UPF1: variants seen among roughly 807,000 people sequenced by gnomAD.
UPF1 encodes UPF1 RNA helicase and ATPase, also known as regulator of nonsense transcripts 1.
In UPF1, 9 loss-of-function variants were observed where a neutral mutation model predicts 129.2. That is an observed-to-expected ratio of 0.07 (90% CI 0.04 to 0.12). UPF1 has a LOEUF of 0.12. Among genes scored for constraint, UPF1 ranks in the 10% least tolerant of loss-of-function variants. The probability of loss-of-function intolerance (pLI) is 1.00; values close to 1 mark genes in which losing one functional copy is unlikely to be tolerated. For synonymous variants in UPF1, 649 were observed against 644.9 expected, an observed-to-expected ratio of 1.01 and a Z score of -0.10; for missense variants, 788 against 1,525.3, an observed-to-expected ratio of 0.52 and a Z score of 8.05.
chr19:18,834,565 G>A (rs1449124377), intron 1 of UPF1, among the ~76,000 whole-genome samples: 1 of 152,102 alleles, frequency 6.6e-6, no homozygotes, highest in African/African-American at 2.4e-5. Context: ...GACATCAGAG[G>A]GTTTGTCCTG....
chr19:18,845,108 G>C (rs1412531260), intron 1 of UPF1, among the ~76,000 whole-genome samples: 1 of 152,238 alleles, frequency 6.6e-6, no homozygotes, highest in Non-Finnish European at 1.5e-5. Flanking sequence ...GGCTGTCTGG[G>C]GTGCTGGGAC....
intron 18 of UPF1, among the ~76,000 whole-genome samples, chr19:18,862,706 C>T (rs1176218748): frequency 1.3e-5 from 2 of 152,166 alleles, no homozygotes; most frequent in African/African-American, 4.8e-5. Flanking sequence ...GTGGCACATG[C>T]CTGTAATCTG....
chr19:18,832,345 A>T lies in UPF1; in HGVS notation c.136A>T (p.Thr46Ser), dbSNP rs139448059. The T allele has an allele frequency of 2.1e-6, 3 of 1,401,388 alleles. No individual in the cohort carries two copies. Among genetic ancestry groups the T allele is most frequent in the African/African-American group, 3.0e-5 (2 of 66,286 alleles). 86.8% of individuals were successfully genotyped at this position (1,401,388 alleles called of 1,614,324 possible). A position where few individuals can be genotyped will look rare whatever the true frequency, so the allele number is the denominator to read the frequency against. ...TDFTLPSQTQ[T>S]PPGGPGGPGG... is the part of the protein sequence containing the mutation. ...CTTTACTCTTCCTAGCCAGACGCAGACGCCCCCCGGCGGCCCCGGCGGCCC... is the reference window on the plus strand; with the variant it reads ...CTTTACTCTTCCTAGCCAGACGCAGTCGCCCCCCGGCGGCCCCGGCGGCCC... Residue 46 changes from threonine to serine, a missense_variant, in exon 1 of 24, where the codon ACG becomes TCG. Physicochemically the swap from Thr to Ser is moderately conservative, Grantham distance 58. Coordinates refer to ENST00000262803, the MANE Select transcript of UPF1 (RefSeq NM_002911.4). The surrounding 1 kb of genome is among the most constrained non-coding windows in gnomAD (Gnocchi z 5.6).
At chr19:18,856,161 C>T (rs2055715604) in intron 12 of UPF1, 25 bp from the exon 13 acceptor site, 1 of 1,603,666 alleles carries the variant, frequency 6.2e-7, no homozygotes, top group East Asian at 2.2e-5. Flanking sequence ...ACTCAGGCAC[C>T]CTGCTGACCT....
At position 18,851,892 on chromosome 19, in the gene UPF1, C is replaced by T. The variant is rs892158423; in HGVS notation, c.811-243C>T. Among the ~76,000 whole-genome samples, 2 of 152,356 alleles carry T rather than the reference C, an allele frequency of 1.3e-5. No homozygotes were observed. Among genetic ancestry groups the T allele is most frequent in the East Asian group, 1.9e-4 (1 of 5,182 alleles). ...CAAGTACCGGAACCCCGCTGGGGTGCGGAGCAGCAGCTGAGGCCCAGGCAT... is the reference window on the plus strand; with the variant it reads ...CAAGTACCGGAACCCCGCTGGGGTGTGGAGCAGCAGCTGAGGCCCAGGCAT... On this transcript the variant is annotated intron_variant, in intron 5 of 23. Transcript: ENST00000262803. This position sits in a 1 kb window ranked among gnomAD's most constrained non-coding sequence, Gnocchi z 4.2.
chr19:18,834,598 T>G (rs780426069), intron 1 of UPF1, among the ~76,000 whole-genome samples: 13 of 152,194 alleles, frequency 8.5e-5, no homozygotes, highest in Non-Finnish European at 2.9e-5. Flanking sequence ...TTGACCCAGA[T>G]GCCCCACCCA....
Position 18,865,403 on chromosome 19 carries a change from C to T in UPF1, c.2972C>T (p.Pro991Leu). The T allele has an allele frequency of 6.2e-7, 1 of 1,614,054 alleles. No individual in the cohort carries two copies. The highest frequency in any genetic ancestry group is 1.1e-5 in the South Asian group (1 of 91,082). The change falls in exon 21 of 24, where the codon CCC (proline) becomes CTC (leucine). Residue 991 changes from proline (P) to leucine (L), a missense_variant. Pro to Leu is a moderately conservative substitution (Grantham distance 98). Coordinates refer to ENST00000262803, the MANE Select transcript of UPF1 (RefSeq NM_002911.4). The surrounding 1 kb of genome is among the most constrained non-coding windows in gnomAD (Gnocchi z 6.1). ...ATCCCCTTCAACCTGGTCATGCCAC[C>T]CATGCCACCGCCTGGCTATTTTGGA... Reference protein sequence around the residue: ...IPIPFNLVMPPMPPPGYFGQA... With the variant: ...IPIPFNLVMPLMPPPGYFGQA...
At chr19:18,854,514 A>G in intron 8 of UPF1, 87 bp from the exon 9 acceptor site, 2 of 1,073,148 alleles carry the variant, frequency 1.9e-6, no homozygotes, top group Non-Finnish European at 2.7e-6. Context: ...AAATTTTAAA[A>G]ACGCTGTTTA....
At chr19:18,849,629 TTGCTCCTGGAA>T (rs2055636899) in intron 3 of UPF1, among the ~76,000 whole-genome samples, 1 of 152,054 alleles carries the variant, frequency 6.6e-6, no homozygotes, top group Non-Finnish European at 1.5e-5. Flanking sequence ...GGAGGGACTG[TTGCTCCTGGAA>T]GTAGGCACAG....
chr19:18,839,724 G>T (rs2055521488), intron 1 of UPF1, among the ~76,000 whole-genome samples: 1 of 152,208 alleles, frequency 6.6e-6, no homozygotes, highest in African/African-American at 2.4e-5. Flanking sequence ...GCCATCCCCT[G>T]CTGTTTTCTT....
intron 1 of UPF1, among the ~76,000 whole-genome samples, chr19:18,845,207 GAC>G (rs548259605): frequency 1.2e-4 from 19 of 152,246 alleles, no homozygotes; most frequent in Non-Finnish European, 2.1e-4. Flanking sequence ...GTTCTGCCAT[GAC>G]ACAGTGCTCC....
chr19:18,867,896 G>A lies in UPF1; in HGVS notation c.*1379G>A, dbSNP rs2055874786. The A allele has an allele frequency of 6.6e-6, 1 of 152,546 alleles. No homozygotes were observed. 9.4% of individuals were successfully genotyped at this position (152,546 alleles called of 1,614,324 possible). A position where few individuals can be genotyped will look rare whatever the true frequency, so the allele number is the denominator to read the frequency against. On this transcript the variant is annotated 3_prime_UTR_variant, in exon 24 of 24. Transcript: ENST00000262803. ...ATTCCGGCTTCTACATGGGACAGAC[G>A]GGGACGCACAGGCCACCTTCCTTCT...
chr19:18,856,488 C>G (rs2055719377), intron 13 of UPF1, among the ~76,000 whole-genome samples, 188 bp downstream of exon 13: 1 of 152,152 alleles, frequency 6.6e-6, no homozygotes, highest in Non-Finnish European at 1.5e-5. Flanking sequence ...ACACGGTCTT[C>G]TAGGGAGTCT....
chr19:18,865,641 A>G lies in UPF1; in HGVS notation c.3100A>G (p.Asn1034Asp). The G allele has an allele frequency of 6.2e-7, 1 of 1,613,752 alleles. No individual in the cohort carries two copies. Among genetic ancestry groups the G allele is most frequent in the Non-Finnish European group, 8.5e-7 (1 of 1,180,026 alleles). The change falls in exon 22 of 24, where the codon AAC becomes GAC. Residue 1034 changes from asparagine to aspartate, a missense_variant. This residue lies in a region of UPF1 where 218 missense variants were observed against 318.1 expected (regional missense o/e 0.69). Coordinates refer to ENST00000262803, the MANE Select transcript of UPF1 (RefSeq NM_002911.4). This position sits in a 1 kb window ranked among gnomAD's most constrained non-coding sequence, Gnocchi z 6.1. ...RFGLPGPSQT[N>D]LPNSQASQDV... is the part of the protein sequence containing the mutation. ...TGGGCTTCCTGGACCCAGCCAGACT[A>G]ACCTCCCCAACAGCCAAGCCAGCCA...
chr19:18,844,749 C>T (rs2055580172), intron 1 of UPF1, among the ~76,000 whole-genome samples: 1 of 152,228 alleles, frequency 6.6e-6, no homozygotes, highest in South Asian at 2.1e-4. Flanking sequence ...CCATCATGTC[C>T]CCTGGCGTGG....
At chr19:18,854,025 AAC>A (rs1399171247) in intron 8 of UPF1, among the ~76,000 whole-genome samples, 1 of 152,108 alleles carries the variant, frequency 6.6e-6, no homozygotes, top group Admixed American at 6.6e-5. Flanking sequence ...GCTCATCCTG[AAC>A]ACGTGAGACC....
intron 8 of UPF1, 82 bp from the exon 9 acceptor site, chr19:18,854,519 T>A: frequency 9.0e-7 from 1 of 1,112,616 alleles, no homozygotes; most frequent in South Asian, 1.4e-5. Flanking sequence ...TTAAAAACGC[T>A]GTTTAAAGAG....
intron 20 of UPF1, among the ~76,000 whole-genome samples, chr19:18,864,735 T>TTG (rs1555701064): frequency 3.0e-5 from 4 of 134,708 alleles, no homozygotes; most frequent in Admixed American, 7.5e-5. Flanking sequence ...TTGCAGGTGT[T>TTG]TTTTTTTTTT....
chr19:18,864,738 T>TTTG (rs2055821711), intron 20 of UPF1, among the ~76,000 whole-genome samples: 1 of 137,556 alleles, frequency 7.3e-6, no homozygotes, highest in Non-Finnish European at 1.6e-5. Context: ...CAGGTGTTTT[T>TTTG]TTTTTTTTTT....
Sources: gnomAD v4.1 joint callset for allele counts (sites outside exome capture counted in the v4.1 genomes callset) on GRCh38, gnomAD v4.1.1 for gene constraint, gnomAD v4.1.1 regional missense constraint, Gnocchi (gnomAD v3.1) non-coding constraint, MANE v1.5 for transcripts, NCBI Gene and HGNC (gene_info 2026-07-23, HGNC 2026-07-21) for gene names.